The following LRMDA variants were observed in gnomAD, a reference collection of about 807,000 sequenced individuals.
LRMDA encodes leucine-rich melanocyte differentiation-associated protein.
A neutral mutation model predicts 29.8 loss-of-function variants in LRMDA; 18 were observed. That is an observed-to-expected ratio of 0.60 (90% CI 0.42 to 0.90). The LOEUF (loss-of-function observed/expected upper bound fraction) is 0.90, where lower values mean the gene tolerates loss of function less well. Ranked by LOEUF, LRMDA falls within the 40% of genes least tolerant of loss-of-function variation. The pLI is 0.00. For synonymous variants in LRMDA, 125 were observed against 109.4 expected (o/e 1.14, Z -0.89); for missense variants, 273 against 273.9 (o/e 1.00, Z 0.02).
chr10:75,960,817 G>A (rs529380285), intron 2 of LRMDA, among the ~76,000 whole-genome samples: 6 of 151,966 alleles, frequency 3.9e-5, no homozygotes, highest in Non-Finnish European at 5.9e-5. Context: ...GGGTTTCACC[G>A]TGTTAGCCAG....
At chr10:76,508,208 GAA>G (rs1235604133) in intron 6 of LRMDA, among the ~76,000 whole-genome samples, 1 of 152,140 alleles carries the variant, frequency 6.6e-6, no homozygotes, top group Non-Finnish European at 1.5e-5. Flanking sequence ...TCAGGTTTCT[GAA>G]AAGAGTTCCT....
At chr10:76,225,070 C>T (rs1016185899) in intron 5 of LRMDA, among the ~76,000 whole-genome samples, 4 of 151,896 alleles carry the variant, frequency 2.6e-5, no homozygotes, top group African/African-American at 9.7e-5. Flanking sequence ...TCTCTGTGTG[C>T]TATGGTTTGG....
intron 5 of LRMDA, among the ~76,000 whole-genome samples, chr10:76,185,867 C>T (rs896961965): frequency 6.6e-6 from 1 of 152,182 alleles, no homozygotes; most frequent in Non-Finnish European, 1.5e-5. Flanking sequence ...CTCGGGATCT[C>T]TATGAGTTTC....
intron 2 of LRMDA, among the ~76,000 whole-genome samples, chr10:75,497,211 T>G (rs1002902448): frequency 5.3e-5 from 8 of 151,052 alleles, no homozygotes; most frequent in African/African-American, 9.8e-5. Context: ...AAAGATCCAG[T>G]TTTTTTTTAA....
intron 2 of LRMDA, among the ~76,000 whole-genome samples, chr10:75,538,393 G>C (rs189664220): frequency 1.3e-5 from 2 of 152,292 alleles, no homozygotes; most frequent in East Asian, 3.9e-4. Context: ...TGCCTAGTGA[G>C]TGAATGTAAG....
At chr10:76,366,725 C>T (rs553422629) in intron 6 of LRMDA, among the ~76,000 whole-genome samples, 2 of 152,210 alleles carry the variant, frequency 1.3e-5, no homozygotes, top group South Asian at 2.1e-4. Flanking sequence ...TCCTCTTTAC[C>T]GATTTGGATG....
At chr10:76,388,223 T>A (rs1444292664) in intron 6 of LRMDA, among the ~76,000 whole-genome samples, 1 of 152,212 alleles carries the variant, frequency 6.6e-6, no homozygotes, top group Non-Finnish European at 1.5e-5. Context: ...CTTATGTAGA[T>A]CTTCTAGTTT....
In LRMDA at chr10:75,810,150, C is replaced by A. The variant is rs140906673; in HGVS notation, c.132-225858C>A. On this transcript the variant is annotated intron_variant, in intron 2 of 6. Coordinates refer to ENST00000611255, the MANE Select transcript of LRMDA (RefSeq NM_001305581.2). Reference sequence around the variant, plus strand: ...GGCACATTCAGAAATGATGAAGGGGCCAGCGTAGCTGGAGTTCAGAGAGCA... The same window carrying A: ...GGCACATTCAGAAATGATGAAGGGGACAGCGTAGCTGGAGTTCAGAGAGCA... Among the ~76,000 whole-genome samples, 503 of 152,204 alleles carry A rather than the reference C, an allele frequency of 3.3e-3. 1 individual carries two copies. Among genetic ancestry groups the A allele is most frequent in the Middle Eastern group, 6.8e-3 (2 of 294 alleles).
chr10:75,869,672 T>A (rs569531080), intron 2 of LRMDA, among the ~76,000 whole-genome samples: 1 of 152,338 alleles, frequency 6.6e-6, no homozygotes, highest in South Asian at 2.1e-4. Context: ...CTGCAGCTCC[T>A]CATTGCTCAC....
chr10:75,639,751 T>TA (rs1294304668), intron 2 of LRMDA, among the ~76,000 whole-genome samples: 23 of 152,184 alleles, frequency 1.5e-4, no homozygotes, highest in African/African-American at 4.6e-4. Flanking sequence ...TGATGTTGAT[T>TA]AATAGGAGTG....
intron 5 of LRMDA, among the ~76,000 whole-genome samples, chr10:76,309,437 C>A (rs377753142): frequency 6.6e-6 from 1 of 151,952 alleles, no homozygotes; most frequent in East Asian, 1.9e-4. Context: ...AGGAACAGTT[C>A]GAGGAAAGCC....
At chr10:75,465,937 A>G (rs1844645199) in intron 2 of LRMDA, among the ~76,000 whole-genome samples, 1 of 152,172 alleles carries the variant, frequency 6.6e-6, no homozygotes, top group African/African-American at 2.4e-5. Context: ...TTTTCTGACT[A>G]TTTGGGTGAA....
intron 2 of LRMDA, among the ~76,000 whole-genome samples, chr10:75,691,003 A>ACT (rs1842140206): frequency 7.3e-6 from 1 of 136,974 alleles, no homozygotes; most frequent in Admixed American, 7.3e-5. Context: ...ATACACACAC[A>ACT]CACACACACA....
intron 5 of LRMDA, among the ~76,000 whole-genome samples, chr10:76,088,992 T>A (rs375777446): frequency 1.3e-5 from 2 of 152,218 alleles, no homozygotes; most frequent in African/African-American, 4.8e-5. Flanking sequence ...ACACCTAACA[T>A]TTATTAAGTT....
Position 76,214,210 on chromosome 10 carries a change from CGTT to C in LRMDA, c.517-110188_517-110186del, listed in dbSNP as rs140588146. ...AGTTCCAGTCCCAGAAGTCACATAA[CGTT>C]GTAAAAAATCCACTATTTTCTCATC... On this transcript the variant is annotated intron_variant, in intron 5 of 6. Transcript: ENST00000611255. Among the ~76,000 whole-genome samples the C allele has an allele frequency of 1.8e-3, 277 of 152,044 alleles. 1 individual carries two copies. Among genetic ancestry groups the C allele is most frequent in the South Asian group, 6.2e-3 (30 of 4,808 alleles).
chr10:76,383,943 TTTAC>T (rs1841627955), intron 6 of LRMDA, among the ~76,000 whole-genome samples: 1 of 152,046 alleles, frequency 6.6e-6, no homozygotes, highest in Non-Finnish European at 1.5e-5. Flanking sequence ...CCTTGTGACA[TTTAC>T]TGATACCTGC....
chr10:76,509,416 C>A (rs1340992351), intron 6 of LRMDA, among the ~76,000 whole-genome samples: 1 of 152,146 alleles, frequency 6.6e-6, no homozygotes, highest in East Asian at 1.9e-4. Context: ...AAACACCTTG[C>A]AACTTAAGTT....
At chr10:76,213,357 C>A (rs1419237948) in intron 5 of LRMDA, among the ~76,000 whole-genome samples, 1 of 152,108 alleles carries the variant, frequency 6.6e-6, no homozygotes, top group Non-Finnish European at 1.5e-5. Context: ...TGGTTGTATC[C>A]ATTTAATAAA....
intron 2 of LRMDA, among the ~76,000 whole-genome samples, chr10:75,468,292 C>A (rs754237965): frequency 2.6e-5 from 4 of 151,778 alleles, no homozygotes; most frequent in African/African-American, 9.7e-5. Flanking sequence ...GGGTGCGGGG[C>A]GGGGTTAGGG....
Sources: gnomAD v4.1 joint callset for allele counts (sites outside exome capture counted in the v4.1 genomes callset) on GRCh38, gnomAD v4.1.1 for gene constraint, MANE v1.5 for transcripts, NCBI Gene and HGNC (gene_info 2026-07-23, HGNC 2026-07-21) for gene names.